Variants in NIM1K observed in about 807,000 individuals in gnomAD.
NIM1K encodes the protein serine/threonine-protein kinase NIM1.
NIM1K carries 35 observed loss-of-function variants against 37.1 expected under a neutral mutation model. That is an observed-to-expected ratio of 0.94 (90% CI 0.72 to 1.25). NIM1K has a LOEUF of 1.25. NIM1K is among the 50% of genes most tolerant of loss of function. NIM1K has a pLI of 0.00. For synonymous variants in NIM1K, 234 were observed against 206.6 expected (o/e 1.13, Z -1.14); for missense variants, 564 against 548.0 (o/e 1.03, Z -0.29).
At chr5:43,206,491 C>A (rs1276780342) in intron 1 of NIM1K, among the ~76,000 whole-genome samples, 47 of 126,340 alleles carry the variant, frequency 3.7e-4, no homozygotes, top group Non-Finnish European at 1.5e-4. Flanking sequence ...CAGAGTGAGA[C>A]CCTGCCTCAA....
At chr5:43,216,190 G>C (rs78830331) in intron 1 of NIM1K, among the ~76,000 whole-genome samples, 1 of 152,014 alleles carries the variant, frequency 6.6e-6, no homozygotes, top group Non-Finnish European at 1.5e-5. Flanking sequence ...ACTAAATAAG[G>C]CTTTTTCTGA....
At chr5:43,275,286 G>A (rs1433403749) in intron 2 of NIM1K, among the ~76,000 whole-genome samples, 1 of 152,028 alleles carries the variant, frequency 6.6e-6, no homozygotes, top group Non-Finnish European at 1.5e-5. Context: ...TAGCTTCATG[G>A]TGTGAAATTA....
At chr5:43,240,620 G>A (rs985449658) in intron 1 of NIM1K, among the ~76,000 whole-genome samples, 2 of 149,640 alleles carry the variant, frequency 1.3e-5, no homozygotes, top group Non-Finnish European at 3.0e-5. Context: ...CTTGGCTCAC[G>A]GCAACCTCCG....
At chr5:43,221,447 CAAAAAAAA>C (rs55658060) in intron 1 of NIM1K, among the ~76,000 whole-genome samples, 1 of 124,112 alleles carries the variant, frequency 8.1e-6, no homozygotes, top group Non-Finnish European at 1.6e-5. Context: ...GAGACTGTCT[CAAAAAAAA>C]AAAAAAAAAA....
In NIM1K at chr5:43,218,157, C is replaced by T. The variant is rs183177041; in HGVS notation, c.-695+25746C>T. On this transcript the variant is annotated intron_variant, in intron 1 of 3. Transcript: ENST00000326035. ...TCCTGAGTAGCTGGGATTGTAGGCA[C>T]CCACCACCATGCCCGGCTAATTTTT... Among the ~76,000 whole-genome samples, 13 of 151,696 alleles carry T rather than the reference C, an allele frequency of 8.6e-5. No individual in the cohort carries two copies. The Middle Eastern group carries it at 0.01, about 119-fold the overall frequency.
intron 1 of NIM1K, among the ~76,000 whole-genome samples, chr5:43,223,976 CT>C (rs5867622): frequency 0.98 from 149,242 of 151,974 alleles, 73,343 homozygotes; most frequent in Middle Eastern, 1. Context: ...ATGAAAGATT[CT>C]TTTTTGAGGG....
chr5:43,199,112 C>G (rs1262435071), intron 1 of NIM1K, among the ~76,000 whole-genome samples: 1 of 146,994 alleles, frequency 6.8e-6, no homozygotes, highest in Non-Finnish European at 1.5e-5. Context: ...AGCTTGAACC[C>G]GGGAGGCAGA....
At chr5:43,265,079 A>G (rs987060077) in intron 2 of NIM1K, among the ~76,000 whole-genome samples, 3 of 152,170 alleles carry the variant, frequency 2.0e-5, no homozygotes, top group African/African-American at 7.2e-5. Context: ...ACTTTGGTGA[A>G]TCTGACAATT....
At chr5:43,264,423 A>G (rs1753088423) in intron 2 of NIM1K, among the ~76,000 whole-genome samples, 1 of 151,962 alleles carries the variant, frequency 6.6e-6, no homozygotes, top group African/African-American at 2.4e-5. Flanking sequence ...AGTCTGTTTT[A>G]TCAGAGACTA....
At chr5:43,229,584 A>G (rs1186854313) in intron 1 of NIM1K, among the ~76,000 whole-genome samples, 1 of 151,716 alleles carries the variant, frequency 6.6e-6, no homozygotes, top group Non-Finnish European at 1.5e-5. Context: ...CTATTTATAC[A>G]TATTCATGAA....
Position 43,280,054 on chromosome 5 carries a change from G to A in NIM1K, c.636G>A (p.Val212=). ...VFYTSNTCVK[V]GDFGFSTVSK... ...ATACCAGTAATACTTGTGTGAAGGTGGGCGATTTTGGATTCAGCACAGTAA... is the reference window on the plus strand; with the variant it reads ...ATACCAGTAATACTTGTGTGAAGGTAGGCGATTTTGGATTCAGCACAGTAA... The change falls in exon 4 of 4, where the codon GTG becomes GTA. Residue 212 remains valine, a synonymous_variant. Coordinates refer to ENST00000326035, the MANE Select transcript of NIM1K (RefSeq NM_153361.4). The A allele has an allele frequency of 6.2e-7, 1 of 1,614,144 alleles. No individual in the cohort carries two copies. Among genetic ancestry groups the A allele is most frequent in the Non-Finnish European group, 8.5e-7 (1 of 1,180,008 alleles).
At chr5:43,234,506 T>C (rs765006325) in intron 1 of NIM1K, among the ~76,000 whole-genome samples, 2 of 152,140 alleles carry the variant, frequency 1.3e-5, no homozygotes, top group Non-Finnish European at 2.9e-5. Flanking sequence ...AAACTCCCAT[T>C]GGCTGGGCAT....
At chr5:43,214,772 C>A (rs866619634) in intron 1 of NIM1K, among the ~76,000 whole-genome samples, 1 of 139,188 alleles carries the variant, frequency 7.2e-6, no homozygotes, top group Non-Finnish European at 1.5e-5. Context: ...GCCGAGATCG[C>A]GCCACTGCAC....
intron 1 of NIM1K, among the ~76,000 whole-genome samples, chr5:43,201,143 T>A (rs80213275): frequency 0.066 from 8,863 of 134,942 alleles, 354 homozygotes; most frequent in East Asian, 0.22. Context: ...AAAAAAAAAA[T>A]TCATGCCTGT....
rs1561098340 is a variant in NIM1K at position 43,280,468 on chromosome 5, C to CA, written c.1052dup (p.Glu352GlyfsTer5). 1 of 1,614,142 alleles carries CA rather than the reference C, an allele frequency of 6.2e-7. No individual in the cohort carries two copies. Among genetic ancestry groups the CA allele is most frequent in the East Asian group, 2.2e-5 (1 of 44,884 alleles). ...AACATTTGTCGGAAACCAGCACTCT[C>CA]AAGGAAGAAGAAAATGAGGTCAAAA... On this transcript the variant is annotated frameshift_variant, in exon 4 of 4. Transcript: ENST00000326035. LOFTEE classifies it high-confidence loss of function.
intron 1 of NIM1K, among the ~76,000 whole-genome samples, chr5:43,212,635 T>G (rs1752221076): frequency 6.6e-6 from 1 of 151,946 alleles, no homozygotes; most frequent in Non-Finnish European, 1.5e-5. Context: ...GATAACTCAG[T>G]CCCCTCAGTC....
chr5:43,250,787 C>G (rs1752857004), intron 2 of NIM1K, among the ~76,000 whole-genome samples: 1 of 152,212 alleles, frequency 6.6e-6, no homozygotes, highest in African/African-American at 2.4e-5. Context: ...GAGCTACAGT[C>G]TGAGCAAAGG....
At position 43,245,759 on chromosome 5, in the gene NIM1K, G is replaced by A. The variant is rs764167270; in HGVS notation, c.-17G>A. ...CCTGCCTCTTCGCTGAGATGGAGACGTGAGCCCCCGTGGACGATGACTGCA... is the reference window on the plus strand; with the variant it reads ...CCTGCCTCTTCGCTGAGATGGAGACATGAGCCCCCGTGGACGATGACTGCA... On this transcript the variant is annotated 5_prime_UTR_variant, in exon 2 of 4. In the 5' UTR this introduces an upstream ATG that the reference lacks. Transcript: ENST00000326035. 19 of 1,556,670 alleles carry A rather than the reference G, an allele frequency of 1.2e-5. No homozygotes were observed. Among genetic ancestry groups the A allele is most frequent in the African/African-American group, 2.7e-5 (2 of 73,834 alleles).
At chr5:43,236,807 T>A (rs938241413) in intron 1 of NIM1K, among the ~76,000 whole-genome samples, 2 of 152,168 alleles carry the variant, frequency 1.3e-5, no homozygotes, top group African/African-American at 4.8e-5. Flanking sequence ...CTGGGCTGAG[T>A]AGCCCCGCTC....
Sources: allele counts gnomAD v4.1 joint callset (sites outside exome capture counted in the v4.1 genomes callset), GRCh38; gene constraint gnomAD v4.1.1; transcripts MANE v1.5; gene names NCBI Gene and HGNC (gene_info 2026-07-23, HGNC 2026-07-21).